RHBDF1: variants seen among roughly 807,000 people sequenced by gnomAD.
The protein encoded by RHBDF1 is inactive rhomboid protein 1.
In RHBDF1, 80 loss-of-function variants were observed where a neutral mutation model predicts 98.6. The ratio of observed to expected loss-of-function variants is 0.81; its 90% CI spans 0.68 to 0.98. The LOEUF (loss-of-function observed/expected upper bound fraction) is 0.98, where lower values mean the gene tolerates loss of function less well. RHBDF1 is among the 50% of genes least tolerant of loss of function. The probability of loss-of-function intolerance (pLI) is 0.00; values close to 1 mark genes in which losing one functional copy is unlikely to be tolerated. For missense variants in RHBDF1, 1,116 were observed against 1,198.3 expected (o/e 0.93, Z 1.01); for synonymous variants, 512 against 486.8 (o/e 1.05, Z -0.68).
chr16:76,027 C>T (rs1313985278), upstream of RHBDF1, among the ~76,000 whole-genome samples: 4 of 152,330 alleles, frequency 2.6e-5, no homozygotes, highest in Admixed American at 1.3e-4. Context: ...ACACCTCCTA[C>T]AGCTGGAGGC....
chr16:69,401 C>T (rs1897914238), intron 1 of RHBDF1, among the ~76,000 whole-genome samples: 1 of 152,170 alleles, frequency 6.6e-6, no homozygotes, highest in Non-Finnish European at 1.5e-5. Flanking sequence ...AAGGAACTGC[C>T]TGCTGCCGAG....
upstream of RHBDF1, among the ~76,000 whole-genome samples, chr16:73,283 C>T (rs78011793): frequency 3.4e-3 from 521 of 152,216 alleles, 4 homozygotes; most frequent in African/African-American, 0.012. Flanking sequence ...ACAGTCATTA[C>T]CCCTCCCCCT....
At chr16:65,146 C>T in intron 1 of RHBDF1, 107 bp from the exon 2 acceptor site, 1 of 1,188,038 alleles carries the variant, frequency 8.4e-7, no homozygotes, top group Non-Finnish European at 1.1e-6. Flanking sequence ...AACCGTGGTG[C>T]TCATGTCCCC....
At chr16:67,868 C>T (rs1477454784) in intron 1 of RHBDF1, among the ~76,000 whole-genome samples, 4 of 152,184 alleles carry the variant, frequency 2.6e-5, no homozygotes, top group Non-Finnish European at 4.4e-5. Flanking sequence ...TCTGGGAAGA[C>T]GAGCTGCCTG....
chr16:61,212 T>C lies in RHBDF1; in HGVS notation c.1465A>G (p.Ile489Val). ...MRQDPQVHSF[I>V]RSAREREKHS... is the part of the protein sequence containing the mutation. ...TTCTCGCGCTCGCGCGCCGAGCGAA[T>C]GAAGCTGTGCACCTGCGGGTCCTGG... The change falls in exon 11 of 18, where the codon ATT (isoleucine) becomes GTT (valine). Residue 489 changes from isoleucine to valine, a missense_variant. Transcript: ENST00000262316. 2 of 1,546,060 alleles carry C rather than the reference T, an allele frequency of 1.3e-6. No individual in the cohort carries two copies. Among genetic ancestry groups the C allele is most frequent in the Non-Finnish European group, 1.7e-6 (2 of 1,145,646 alleles).
chr16:58,570 G>A lies in RHBDF1; in HGVS notation c.2338C>T (p.Leu780Phe), dbSNP rs1406199754. ...GGCAAGAAGGCGAAGGAGAGGAAGA[G>A]GCCACTGATGAACCCTGAGATGTGG... ...FAHISGFISG[L>F]FLSFAFLPYI... Residue 780 changes from leucine (L) to phenylalanine (F), a missense_variant, in exon 18 of 18, where the codon CTC becomes TTC. Transcript: ENST00000262316. 1 of 1,613,910 alleles carries A rather than the reference G, an allele frequency of 6.2e-7. No individual in the cohort carries two copies. The highest frequency in any genetic ancestry group is 8.5e-7 in the Non-Finnish European group (1 of 1,179,984).
intron 12 of RHBDF1, 67 bp from the exon 13 acceptor site, chr16:60,346 T>C (rs1897562854): frequency 6.2e-7 from 1 of 1,606,954 alleles, no homozygotes; most frequent in Admixed American, 1.7e-5. Flanking sequence ...TCCAGCCAAG[T>C]CGCCAACAAG....
chr16:61,610 A>T lies in RHBDF1; in HGVS notation c.1295T>A (p.Phe432Tyr). The T allele has an allele frequency of 6.2e-7, 1 of 1,613,390 alleles. No homozygotes were observed. The highest frequency in any genetic ancestry group is 8.5e-7 in the Non-Finnish European group (1 of 1,179,904). Residue 432 changes from phenylalanine (F) to tyrosine (Y), a missense_variant, in exon 9 of 18, where the codon TTC (phenylalanine) becomes TAC (tyrosine). Transcript: ENST00000262316. ...CGAGTCCACCGTCTCATGCTGCGAG[A>T]AGCCCACGGGCGCGATGCCATAGAT... ...VCIYGIAPVG[F>Y]SQHETVDSVL...
At chr16:62,933 T>C in intron 5 of RHBDF1, 36 bp from the exon 6 acceptor site, 1 of 1,612,912 alleles carries the variant, frequency 6.2e-7, no homozygotes, top group Non-Finnish European at 8.5e-7. Flanking sequence ...ACCCGGCTGC[T>C]GGGTCGGCCC....
At chr16:64,590 G>T in intron 3 of RHBDF1, 109 bp downstream of exon 3, 1 of 1,539,804 alleles carries the variant, frequency 6.5e-7, no homozygotes. Flanking sequence ...GATGGAGGAG[G>T]AAGCTGAAAC....
At chr16:73,991 G>A (rs1036928456), upstream of RHBDF1, 7 of 972,572 alleles carry the variant, frequency 7.2e-6, no homozygotes, top group Non-Finnish European at 8.6e-6. Flanking sequence ...GGCGGTGCCT[G>A]CACATAATGG....
chr16:60,117 C>T, intron 13 of RHBDF1, 99 bp downstream of exon 13: 5 of 1,590,064 alleles, frequency 3.1e-6, no homozygotes, highest in East Asian at 2.3e-5. Flanking sequence ...GTGAGGTGGT[C>T]CCATGATGGG....
In RHBDF1 at chr16:63,756, G is replaced by A; in HGVS notation, c.293C>T (p.Thr98Ile). The change falls in exon 4 of 18, where the codon ACC (threonine) becomes ATC (isoleucine). Residue 98 changes from threonine (T) to isoleucine (I), a missense_variant. Physicochemically the swap from Thr to Ile is moderately conservative, Grantham distance 89 (BLOSUM62 -1). Coordinates refer to ENST00000262316, the MANE Select transcript of RHBDF1 (RefSeq NM_022450.5). ...WFGVSKDSDS[T>I]QKWQRKSIRH... Reference sequence around the variant, plus strand: ...GATGCTCTTGCGCTGCCATTTCTGGGTGCTGTCACTGTCCTTGCTCACTCC... The same window carrying A: ...GATGCTCTTGCGCTGCCATTTCTGGATGCTGTCACTGTCCTTGCTCACTCC... The A allele has an allele frequency of 6.2e-7, 1 of 1,613,994 alleles. No homozygotes were observed. Among genetic ancestry groups the A allele is most frequent in the South Asian group, 1.1e-5 (1 of 91,080 alleles).
upstream of RHBDF1, among the ~76,000 whole-genome samples, chr16:73,679 G>A (rs1596479314): frequency 6.6e-6 from 1 of 152,112 alleles, no homozygotes; most frequent in African/African-American, 2.4e-5. Context: ...GGATCCCTTC[G>A]TCCCATGGGT....
In RHBDF1 at chr16:58,205, A is replaced by C; in HGVS notation, c.*135T>G. 1.3e-6 allele frequency: 1 copy of C among 786,364 alleles called. No homozygotes were observed. The highest frequency in any genetic ancestry group is 2.0e-6 in the Non-Finnish European group (1 of 498,388). The allele number at this position is 786,364 out of a possible 1,614,324, so 48.7% of individuals were successfully genotyped here. A position where few individuals can be genotyped will look rare whatever the true frequency, so the allele number is the denominator to read the frequency against. On this transcript the variant is annotated 3_prime_UTR_variant, in exon 18 of 18. Transcript: ENST00000262316. ...GTTCAACAGAAGTGAACAAGGCACA[A>C]GAAAGAGGTCTGTGTTCAGGAAACA...
intron 1 of RHBDF1, among the ~76,000 whole-genome samples, chr16:67,684 G>A (rs1897864156): frequency 6.6e-6 from 1 of 152,234 alleles, no homozygotes. Context: ...CACAAGGCAG[G>A]AGTTCATTCA....
intron 1 of RHBDF1, among the ~76,000 whole-genome samples, chr16:70,055 C>A (rs1198331164): frequency 6.6e-6 from 1 of 151,574 alleles, no homozygotes; most frequent in African/African-American, 2.4e-5. Context: ...AAATGTGGCA[C>A]AGGGGTCACC....
chr16:63,886 CTG>C (rs767079792), intron 3 of RHBDF1, 86 bp from the exon 4 acceptor site: 10 of 1,012,118 alleles, frequency 9.9e-6, no homozygotes, highest in African/African-American at 4.1e-5. Context: ...GGGCAGCATG[CTG>C]CCCCCAGGCC....
chr16:67,601 G>A (rs896039566), intron 1 of RHBDF1, among the ~76,000 whole-genome samples: 10 of 152,212 alleles, frequency 6.6e-5, no homozygotes, highest in Non-Finnish European at 1.2e-4. Flanking sequence ...ACCCTCCCCT[G>A]TGTGGGAGGA....
Sources: allele counts gnomAD v4.1 joint callset (sites outside exome capture counted in the v4.1 genomes callset), GRCh38; gene constraint gnomAD v4.1.1; transcripts MANE v1.5; gene names NCBI Gene and HGNC (gene_info 2026-07-23, HGNC 2026-07-21).